The following LAMA2 variants were observed in gnomAD, a reference collection of about 807,000 sequenced individuals.
The protein encoded by LAMA2 is laminin subunit alpha-2.
LAMA2 carries 269 observed loss-of-function variants against 364.8 expected under a neutral mutation model. The observed-to-expected ratio is 0.74, with a 90% CI of 0.67 to 0.82. The LOEUF is 0.82. LAMA2 is among the 40% of genes least tolerant of loss of function. The pLI, the probability that LAMA2 is intolerant of heterozygous loss-of-function variation, is 0.00. For missense variants in LAMA2, 3,807 were observed against 3,873.2 expected, an observed-to-expected ratio of 0.98 and a Z score of 0.45; for synonymous variants, 1,379 against 1,370.6, an observed-to-expected ratio of 1.01 and a Z score of -0.14.
chr6:129,130,358 A>G (rs1219169764), intron 4 of LAMA2, among the ~76,000 whole-genome samples: 1 of 152,230 alleles, frequency 6.6e-6, no homozygotes, highest in African/African-American at 2.4e-5. Context: ...AGAAGTCTGT[A>G]TATCATCTCT....
chr6:129,011,105 C>T (rs1011237447), intron 1 of LAMA2, among the ~76,000 whole-genome samples: 1 of 152,060 alleles, frequency 6.6e-6, no homozygotes, highest in South Asian at 2.1e-4. Flanking sequence ...CTCAGCCTCC[C>T]GAGTAGCTGG....
In LAMA2 at chr6:129,433,835, T is replaced by C. The variant is rs187604915; in HGVS notation, c.5969-4811T>C. On this transcript the variant is annotated intron_variant, in intron 41 of 64. Coordinates refer to ENST00000421865, the MANE Select transcript of LAMA2 (RefSeq NM_000426.4). ...AAACTGGTAAAACACACCAGGACAA[T>C]TTTCAAACCAATGTCAGTGTGTTAC... is the stretch of plus-strand genomic sequence containing the variant. Among the ~76,000 whole-genome samples, 30 of 152,296 alleles carry C rather than the reference T, an allele frequency of 2.0e-4. No homozygotes were observed. In the South Asian group the frequency reaches 4.8e-3, roughly 24 times the overall value.
At chr6:129,111,975 G>A (rs1283978307) in intron 4 of LAMA2, among the ~76,000 whole-genome samples, 1 of 151,932 alleles carries the variant, frequency 6.6e-6, no homozygotes, top group Non-Finnish European at 1.5e-5. Flanking sequence ...AAGCGTGTAT[G>A]TATATACCTG....
intron 32 of LAMA2, among the ~76,000 whole-genome samples, chr6:129,355,483 T>G (rs912556263): frequency 6.6e-6 from 1 of 152,192 alleles, no homozygotes; most frequent in Non-Finnish European, 1.5e-5. Context: ...CCTTTTAATA[T>G]ATTTCTGTAT....
chr6:128,903,903 T>C (rs1367041398), intron 1 of LAMA2, among the ~76,000 whole-genome samples: 2 of 152,146 alleles, frequency 1.3e-5, no homozygotes, highest in African/African-American at 2.4e-5. Flanking sequence ...GCTGCTGGGA[T>C]CTTCTCACCC....
At chr6:129,126,724 T>C (rs1178927436) in intron 4 of LAMA2, among the ~76,000 whole-genome samples, 1 of 152,078 alleles carries the variant, frequency 6.6e-6, no homozygotes, top group Non-Finnish European at 1.5e-5. Flanking sequence ...AAATTCAGAG[T>C]TTATCCCTCA....
chr6:129,146,011 T>A (rs2114962260), intron 5 of LAMA2, among the ~76,000 whole-genome samples: 1 of 150,690 alleles, frequency 6.6e-6, no homozygotes, highest in South Asian at 2.1e-4. Context: ...TCAAATAAGA[T>A]AACATAACAA....
At chr6:129,471,417 A>G (rs1200749921) in intron 51 of LAMA2, among the ~76,000 whole-genome samples, 1 of 151,890 alleles carries the variant, frequency 6.6e-6, no homozygotes, top group Admixed American at 6.6e-5. Context: ...TCTTAGAATG[A>G]TTTCTAAAAA....
At chr6:129,292,042 G>T (rs1281395307) in intron 20 of LAMA2, among the ~76,000 whole-genome samples, 1 of 152,000 alleles carries the variant, frequency 6.6e-6, no homozygotes, top group East Asian at 1.9e-4. Flanking sequence ...TACATTTTTG[G>T]CAGAATAAAA....
chr6:129,475,517 A>G (rs542360789), intron 53 of LAMA2, 116 bp downstream of exon 53: 4 of 714,856 alleles, frequency 5.6e-6, no homozygotes. Flanking sequence ...TGTTCATAGT[A>G]TGTTTCACGA....
At chr6:129,236,658 TAACTC>T (rs1481336403) in intron 12 of LAMA2, among the ~76,000 whole-genome samples, 2 of 152,166 alleles carry the variant, frequency 1.3e-5, no homozygotes, top group Non-Finnish European at 2.9e-5. Context: ...ATTTTGGACT[TAACTC>T]TTATTTTCCC....
intron 15 of LAMA2, among the ~76,000 whole-genome samples, chr6:129,264,410 T>C (rs1787355388): frequency 6.6e-6 from 1 of 151,904 alleles, no homozygotes; most frequent in Non-Finnish European, 1.5e-5. Flanking sequence ...ATGGAATCCA[T>C]AGTCCAGTTT....
chr6:129,251,040 T>TC (rs1786157674), intron 13 of LAMA2, among the ~76,000 whole-genome samples: 3 of 61,676 alleles, frequency 4.9e-5, no homozygotes, highest in African/African-American at 7.0e-5. Context: ...GTCTCTCTCT[T>TC]TCTCTCTCTC....
chr6:129,284,912 G>T (rs145694652), intron 18 of LAMA2, among the ~76,000 whole-genome samples: 1 of 152,122 alleles, frequency 6.6e-6, no homozygotes, highest in Non-Finnish European at 1.5e-5. Context: ...GTTAACAGAT[G>T]TGGAAAGGAA....
chr6:129,178,078 G>A (rs1162682577), intron 10 of LAMA2, among the ~76,000 whole-genome samples: 2 of 152,088 alleles, frequency 1.3e-5, no homozygotes, highest in African/African-American at 2.4e-5. Flanking sequence ...GATAAACCAC[G>A]TTTAAAGGCT....
At position 129,516,194 on chromosome 6, in the gene LAMA2, C is replaced by A; in HGVS notation, c.9216C>A (p.Asp3072Glu). The change falls in exon 65 of 65, where the codon GAC becomes GAA. Residue 3072 changes from aspartate (D) to glutamate (E), a missense_variant. Asp to Glu is a conservative substitution (Grantham distance 45). This residue lies in a region of LAMA2 where 3,333 missense variants were observed against 3,345.7 expected (regional missense o/e 1.00). Transcript: ENST00000421865. ...DPVFVGGFPDDLKQFGLTTSI... is the reference protein window; with the variant it reads ...DPVFVGGFPDELKQFGLTTSI... ...CTCTTGCATTGCCTTTTTCAGATGA[C>A]CTCAAGCAGTTTGGCCTAACAACCA... 1 of 1,614,062 alleles carries A rather than the reference C, an allele frequency of 6.2e-7. No individual in the cohort carries two copies. Among genetic ancestry groups the A allele is most frequent in the South Asian group, 1.1e-5 (1 of 91,078 alleles).
chr6:129,020,404 A>G (rs1442568088), intron 1 of LAMA2, among the ~76,000 whole-genome samples: 1 of 152,170 alleles, frequency 6.6e-6, no homozygotes. Context: ...TTACACGCAC[A>G]TGTACCTGGA....
chr6:129,192,544 G>T (rs1000675640), intron 11 of LAMA2, 136 bp from the exon 12 acceptor site: 56 of 741,494 alleles, frequency 7.6e-5, no homozygotes, highest in African/African-American at 7.4e-4. Context: ...TAATGCTCAG[G>T]TTTTTTTCTA....
intron 2 of LAMA2, 21 bp downstream of exon 2, chr6:129,050,109 G>A (rs963917685): frequency 5.0e-6 from 8 of 1,613,470 alleles, no homozygotes; most frequent in Middle Eastern, 1.7e-4. Context: ...TAGTGTGTAG[G>A]TGTGTGGCGC....
Sources: allele counts gnomAD v4.1 joint callset (sites outside exome capture counted in the v4.1 genomes callset), GRCh38; gene constraint gnomAD v4.1.1; regional missense constraint gnomAD v4.1.1; transcripts MANE v1.5; gene names NCBI Gene and HGNC (gene_info 2026-07-23, HGNC 2026-07-21).